RBMS3: variants seen among roughly 807,000 people sequenced by gnomAD.
RBMS3 encodes RNA-binding motif, single-stranded-interacting protein 3.
A neutral mutation model predicts 66.8 loss-of-function variants in RBMS3; 27 were observed. The ratio of observed to expected loss-of-function variants is 0.40; its 90% CI spans 0.30 to 0.56. The LOEUF is 0.56. RBMS3 is among the 20% of genes least tolerant of loss of function. The pLI, the probability that RBMS3 is intolerant of heterozygous loss-of-function variation, is 0.40. For missense variants in RBMS3, 513 were observed against 549.5 expected (o/e 0.93, Z 0.66); for synonymous variants, 188 against 183.0 (o/e 1.03, Z -0.22).
intron 8 of RBMS3, among the ~76,000 whole-genome samples, chr3:29,886,537 G>A (rs1298900747): frequency 6.6e-6 from 1 of 151,790 alleles, no homozygotes; most frequent in Non-Finnish European, 1.5e-5. Context: ...TGGAGAAAGT[G>A]GACTGCTATG....
chr3:29,943,039 G>T (rs1300443796), intron 11 of RBMS3, among the ~76,000 whole-genome samples: 1 of 151,696 alleles, frequency 6.6e-6, no homozygotes, highest in African/African-American at 2.4e-5. Flanking sequence ...GTTTGCTTTT[G>T]TTGCTCAAAG....
At chr3:29,995,108 A>C (rs370346708) in intron 14 of RBMS3, among the ~76,000 whole-genome samples, 12 of 152,380 alleles carry the variant, frequency 7.9e-5, no homozygotes, top group Non-Finnish European at 1.6e-4. Flanking sequence ...ACCAAGGCTC[A>C]AGAACTACGT....
chr3:29,430,876 A>G (rs1183643362), intron 1 of RBMS3, among the ~76,000 whole-genome samples: 1 of 152,222 alleles, frequency 6.6e-6, no homozygotes, highest in Non-Finnish European at 1.5e-5. Flanking sequence ...AGCTTTAAAA[A>G]GGCCCTGGGA....
chr3:29,427,001 A>G (rs758375284), intron 1 of RBMS3, among the ~76,000 whole-genome samples: 4 of 152,238 alleles, frequency 2.6e-5, no homozygotes, highest in Non-Finnish European at 5.9e-5. Flanking sequence ...TTAGTGGTGG[A>G]GCTGGATTCA....
At chr3:29,528,103 G>A (rs2045205009) in intron 3 of RBMS3, among the ~76,000 whole-genome samples, 1 of 140,314 alleles carries the variant, frequency 7.1e-6, no homozygotes, top group East Asian at 2.1e-4. Context: ...ACAAATGCAA[G>A]CAAGATTTTT....
chr3:29,599,797 T>C (rs1397075849), intron 4 of RBMS3, among the ~76,000 whole-genome samples: 2 of 152,106 alleles, frequency 1.3e-5, no homozygotes, highest in South Asian at 2.1e-4. Context: ...ATGGAAGATA[T>C]GATCACAGAA....
rs2031715817 is a variant in RBMS3 at position 29,281,108 on chromosome 3, T to C, written c.-574T>C. The C allele has an allele frequency of 1.6e-5, 2 of 127,062 alleles. No individual in the cohort carries two copies. The highest frequency in any genetic ancestry group is 1.6e-4 in the Admixed American group (2 of 12,590). The allele number at this position is 127,062 out of a possible 1,614,324, so 7.9% of individuals were successfully genotyped here. ...GAGGGAGACAGCAGCAACTAAGCTG[T>C]ACAAGGTTTTTTTTTTTTTTTTTTC... On this transcript the variant is annotated 5_prime_UTR_variant, in exon 1 of 15. Transcript: ENST00000383767.
chr3:29,514,648 C>CATATAT (rs1491498729), intron 3 of RBMS3, among the ~76,000 whole-genome samples: 2 of 47,952 alleles, frequency 4.2e-5, no homozygotes, highest in African/African-American at 2.0e-4. Context: ...GTGTGATAGG[C>CATATAT]ACATATATAT....
At chr3:29,776,191 A>G (rs1385623115) in intron 6 of RBMS3, among the ~76,000 whole-genome samples, 1 of 152,010 alleles carries the variant, frequency 6.6e-6, no homozygotes, top group African/African-American at 2.4e-5. Context: ...TATGCTTTCT[A>G]TGAGATCCTC....
chr3:29,832,537 C>T (rs77390124), intron 6 of RBMS3, among the ~76,000 whole-genome samples: 13,878 of 152,126 alleles, frequency 0.091, 661 homozygotes, highest in East Asian at 0.16. Flanking sequence ...CACCCCTTTA[C>T]CGGGCATAGC....
intron 6 of RBMS3, among the ~76,000 whole-genome samples, chr3:29,811,996 T>C (rs2057743700): frequency 6.6e-6 from 1 of 152,138 alleles, no homozygotes; most frequent in Non-Finnish European, 1.5e-5. Context: ...CCCTGTGGAA[T>C]TGAAAAAGTC....
intron 4 of RBMS3, among the ~76,000 whole-genome samples, chr3:29,597,815 G>T (rs143545206): frequency 1.3e-5 from 2 of 151,538 alleles, no homozygotes; most frequent in Admixed American, 6.6e-5. Context: ...TTTAAATGAC[G>T]CAATATTAAG....
intron 1 of RBMS3, among the ~76,000 whole-genome samples, chr3:29,332,066 G>A (rs569235571): frequency 1.3e-5 from 2 of 152,050 alleles, no homozygotes; most frequent in East Asian, 3.9e-4. Context: ...GCCTTCTACT[G>A]ATGAAAGGAC....
chr3:29,373,676 T>C (rs565700029), intron 1 of RBMS3, among the ~76,000 whole-genome samples: 2 of 152,300 alleles, frequency 1.3e-5, no homozygotes, highest in South Asian at 4.1e-4. Context: ...TAATTGAGCC[T>C]TGAGGGATCC....
intron 3 of RBMS3, among the ~76,000 whole-genome samples, chr3:29,527,006 C>T (rs932419523): frequency 4.6e-5 from 7 of 151,648 alleles, no homozygotes; most frequent in African/African-American, 1.7e-4. Flanking sequence ...ACCAACTTGT[C>T]AGTTTATTAT....
intron 4 of RBMS3, among the ~76,000 whole-genome samples, chr3:29,596,717 G>A (rs555062821): frequency 1.3e-5 from 2 of 152,252 alleles, no homozygotes; most frequent in East Asian, 1.9e-4. Context: ...CTTGGCTTTT[G>A]AATTTCTGAA....
chr3:29,492,297 A>C (rs950256384), intron 3 of RBMS3, among the ~76,000 whole-genome samples: 3 of 152,188 alleles, frequency 2.0e-5, no homozygotes, highest in African/African-American at 7.2e-5. Context: ...TTTCCTTTCA[A>C]AAAATAGACC....
rs2054031439 is a variant in RBMS3, at chr3:29,729,447, T to C, written c.400-10273T>C. The stretch of plus-strand genomic sequence containing the variant: ...ATTGTGAATAGTGCCGCAATAAACA[T>C]ACGCGTGCATGTGTCTTTATAGTAG... On this transcript the variant is annotated intron_variant, in intron 4 of 14. Coordinates refer to ENST00000383767, the MANE Select transcript of RBMS3 (RefSeq NM_001003793.3). Among the ~76,000 whole-genome samples, 3 of 152,172 alleles carry C rather than the reference T, an allele frequency of 2.0e-5. No homozygotes were observed. The South Asian group carries it at 6.2e-4, about 32-fold the overall frequency.
chr3:29,670,710 T>C (rs2050961263), intron 4 of RBMS3, among the ~76,000 whole-genome samples: 2 of 152,220 alleles, frequency 1.3e-5, no homozygotes, highest in African/African-American at 2.4e-5. Context: ...TGGAGGGGCG[T>C]CCTCCACTGC....
Sources: gnomAD v4.1 joint callset for allele counts (sites outside exome capture counted in the v4.1 genomes callset) on GRCh38, gnomAD v4.1.1 for gene constraint, MANE v1.5 for transcripts, NCBI Gene and HGNC (gene_info 2026-07-23, HGNC 2026-07-21) for gene names.